The following VGLL3 variants were observed in gnomAD, a reference collection of about 807,000 sequenced individuals.
The protein encoded by VGLL3 is transcription cofactor vestigial-like protein 3.
In VGLL3, 18 loss-of-function variants were observed where a neutral mutation model predicts 29.2. The observed-to-expected ratio is 0.62, with a 90% CI of 0.43 to 0.91. The LOEUF (loss-of-function observed/expected upper bound fraction) is 0.91, where lower values mean the gene tolerates loss of function less well. VGLL3 is among the 40% of genes least tolerant of loss of function. VGLL3 has a pLI of 0.00. For synonymous variants in VGLL3, 180 were observed against 151.8 expected (o/e 1.19, Z -1.36); for missense variants, 440 against 413.2 (o/e 1.06, Z -0.56).
rs932794460 is a variant in VGLL3 at position 86,941,333 on chromosome 3, T to C, written c.*5691A>G. 6.6e-6 allele frequency: 1 copy of C among 152,430 alleles called. No individual in the cohort carries two copies. The highest frequency in any genetic ancestry group is 1.5e-5 in the Non-Finnish European group (1 of 67,930). The allele number at this position is 152,430 out of a possible 1,614,324, so 9.4% of individuals were successfully genotyped here. On this transcript the variant is annotated 3_prime_UTR_variant, in exon 4 of 4. Coordinates refer to ENST00000398399, the MANE Select transcript of VGLL3 (RefSeq NM_016206.4). ...AGAAAGAAATGTACATCTCTATTAA[T>C]ATAAAGTGATATCAATAGGAAAGTT... is the stretch of plus-strand genomic sequence containing the variant.
chr3:86,972,230 G>A (rs1705116670), intron 2 of VGLL3, among the ~76,000 whole-genome samples: 1 of 152,122 alleles, frequency 6.6e-6, no homozygotes, highest in Admixed American at 6.5e-5. Flanking sequence ...ATTACTGAAA[G>A]TAGAAATCTA....
chr3:86,949,620 A>G (rs1181208237), intron 3 of VGLL3, among the ~76,000 whole-genome samples: 2 of 151,838 alleles, frequency 1.3e-5, no homozygotes, highest in Admixed American at 6.6e-5. Flanking sequence ...AGGTCAGGAG[A>G]TCGAGACCAT....
intron 1 of VGLL3, among the ~76,000 whole-genome samples, chr3:86,979,901 G>A (rs1220426398): frequency 1.3e-5 from 2 of 151,970 alleles, no homozygotes; most frequent in South Asian, 4.1e-4. Context: ...AATGTATTTT[G>A]TATTGTTTTT....
At position 86,938,269 on chromosome 3, in the gene VGLL3, T is replaced by A. The variant is rs1053263227; in HGVS notation, c.*8755A>T. 6.6e-6 allele frequency: 1 copy of A among 152,232 alleles called. No homozygotes were observed. Among genetic ancestry groups the A allele is most frequent in the Admixed American group, 6.5e-5 (1 of 15,282 alleles). 9.4% of individuals were successfully genotyped at this position (152,232 alleles called of 1,614,324 possible). ...ATTAATACAACCATAACTAGAAGTA[T>A]TTTTTGTAAGAAAAATGATAACACT... On this transcript the variant is annotated 3_prime_UTR_variant, in exon 4 of 4. Coordinates refer to ENST00000398399, the MANE Select transcript of VGLL3 (RefSeq NM_016206.4).
At chr3:86,974,823 A>G (rs1327987533) in intron 2 of VGLL3, among the ~76,000 whole-genome samples, 3 of 152,120 alleles carry the variant, frequency 2.0e-5, no homozygotes, top group Non-Finnish European at 4.4e-5. Flanking sequence ...CACTAACATT[A>G]TCATTAGCCT....
rs1704498184 is a variant in VGLL3 at position 86,945,961 on chromosome 3, G to A, written c.*1063C>T. 6.6e-6 allele frequency: 1 copy of A among 152,198 alleles called. No individual in the cohort carries two copies. The highest frequency in any genetic ancestry group is 6.5e-5 in the Admixed American group (1 of 15,288). The allele number at this position is 152,198 out of a possible 1,614,324, so 9.4% of individuals were successfully genotyped here. On this transcript the variant is annotated 3_prime_UTR_variant, in exon 4 of 4. Transcript: ENST00000398399. ...TTTCTCTAGTACCTTCCCAGATATT[G>A]TTCCTTCAAATGCCCTTCAGGAAAA...
rs1704350946 is a variant in VGLL3, at chr3:86,939,626, C to T, written c.*7398G>A. On this transcript the variant is annotated 3_prime_UTR_variant, in exon 4 of 4. Transcript: ENST00000398399. The stretch of plus-strand genomic sequence containing the variant: ...ACGACAGAGCAAGACTCCATCAAAA[C>T]AAAACAAAACAAAACAAAACAAAAA... The T allele has an allele frequency of 6.6e-6, 1 of 152,606 alleles. No individual in the cohort carries two copies. The highest frequency in any genetic ancestry group is 1.9e-4 in the East Asian group (1 of 5,214). The allele number at this position is 152,606 out of a possible 1,614,324, so 9.5% of individuals were successfully genotyped here.
intron 3 of VGLL3, chr3:86,962,503 A>G (rs1158760967): frequency 1.4e-5 from 14 of 985,398 alleles, no homozygotes; most frequent in Admixed American, 6.1e-5. Flanking sequence ...CTCAAACTCT[A>G]CTATAATATG....
Position 86,968,825 on chromosome 3 carries a change from G to C in VGLL3, c.702C>G (p.Ala234=). 1 of 1,614,106 alleles carries C rather than the reference G, an allele frequency of 6.2e-7. No individual in the cohort carries two copies. The highest frequency in any genetic ancestry group is 1.3e-5 in the African/African-American group (1 of 75,014). The change falls in exon 3 of 4, where the codon GCC becomes GCG. Residue 234 remains alanine (A), a synonymous_variant. Coordinates refer to ENST00000398399, the MANE Select transcript of VGLL3 (RefSeq NM_016206.4). ...DVYMRHHHPH[A]HMHHRHRHHH... ...GGTGGCGGTGGCGGTGGTGCATGTG[G>C]GCATGAGGGTGGTGGTGCCGCATGT...
chr3:86,945,369 T>C lies in VGLL3; in HGVS notation c.*1655A>G, dbSNP rs1704486044. On this transcript the variant is annotated 3_prime_UTR_variant, in exon 4 of 4. Transcript: ENST00000398399. ...AAGTTCGCATATATGATACGAACAA[T>C]TAAAGATAGAAAGTGGCATTTCACT... 1 of 152,130 alleles carries C rather than the reference T, an allele frequency of 6.6e-6. No individual in the cohort carries two copies. 9.4% of individuals were successfully genotyped at this position (152,130 alleles called of 1,614,324 possible). A position where few individuals can be genotyped will look rare whatever the true frequency, so the allele number is the denominator to read the frequency against.
Position 86,990,947 on chromosome 3 carries a change from G to T in VGLL3, c.-204C>A. 1 of 1,075,924 alleles carries T rather than the reference G, an allele frequency of 9.3e-7. No individual in the cohort carries two copies. Among genetic ancestry groups the T allele is most frequent in the Non-Finnish European group, 1.1e-6 (1 of 888,042 alleles). The allele number at this position is 1,075,924 out of a possible 1,614,324, so 66.6% of individuals were successfully genotyped here. A position where few individuals can be genotyped will look rare whatever the true frequency, so the allele number is the denominator to read the frequency against. On this transcript the variant is annotated 5_prime_UTR_variant, in exon 1 of 4. Transcript: ENST00000398399. ...TGGCAATCAGCGGGGGCCCATGCGC[G>T]GGCACCTTCATCTTCAGCCCCTCCG...
rs1363803951 is a variant in VGLL3 at position 86,939,314 on chromosome 3, A to C, written c.*7710T>G. ...TGAATATGTTACTGTACATGGAAAAAGGGCCTTTAAAGATGTAATTAAGAA... is the reference window on the plus strand; with the variant it reads ...TGAATATGTTACTGTACATGGAAAACGGGCCTTTAAAGATGTAATTAAGAA... On this transcript the variant is annotated 3_prime_UTR_variant, in exon 4 of 4. Coordinates refer to ENST00000398399, the MANE Select transcript of VGLL3 (RefSeq NM_016206.4). 6.6e-6 allele frequency: 1 copy of C among 152,198 alleles called. No homozygotes were observed. The highest frequency in any genetic ancestry group is 1.5e-5 in the Non-Finnish European group (1 of 68,048). 9.4% of individuals were successfully genotyped at this position (152,198 alleles called of 1,614,324 possible). A position where few individuals can be genotyped will look rare whatever the true frequency, so the allele number is the denominator to read the frequency against.
rs535495394 is a variant in VGLL3 at position 86,945,330 on chromosome 3, T to C, written c.*1694A>G. On this transcript the variant is annotated 3_prime_UTR_variant, in exon 4 of 4. Coordinates refer to ENST00000398399, the MANE Select transcript of VGLL3 (RefSeq NM_016206.4). ...GAACTCTGCCTAGCTGAACATGTCA[T>C]GTTCATGTCTAAAAAGTTCGCATAT... The C allele has an allele frequency of 2.0e-5, 3 of 152,316 alleles. No homozygotes were observed. Among genetic ancestry groups the C allele is most frequent in the South Asian group, 2.1e-4 (1 of 4,830 alleles). 9.4% of individuals were successfully genotyped at this position (152,316 alleles called of 1,614,324 possible).
intron 1 of VGLL3, among the ~76,000 whole-genome samples, chr3:86,987,635 C>G (rs1705477971): frequency 6.6e-6 from 1 of 152,174 alleles, no homozygotes; most frequent in East Asian, 1.9e-4. Context: ...GGTCACCCAG[C>G]ATCCCTCAGT....
intron 3 of VGLL3, 120 bp downstream of exon 3, chr3:86,968,470 C>T (rs1705010106): frequency 1.7e-6 from 2 of 1,178,906 alleles, no homozygotes; most frequent in Non-Finnish European, 2.3e-6. Flanking sequence ...GGCTAGGTTC[C>T]ATAAACATGT....
At chr3:86,973,900 C>A (rs1313227393) in intron 2 of VGLL3, among the ~76,000 whole-genome samples, 1 of 152,170 alleles carries the variant, frequency 6.6e-6, no homozygotes, top group Non-Finnish European at 1.5e-5. Context: ...GTGATTTACT[C>A]TGCTATGGCT....
chr3:86,985,673 G>A (rs902881339), intron 1 of VGLL3, among the ~76,000 whole-genome samples: 17 of 152,182 alleles, frequency 1.1e-4, no homozygotes, highest in African/African-American at 3.6e-4. Context: ...TTAAAGAGAT[G>A]TGTTTTGAAA....
At chr3:86,986,240 G>C (rs1705438751) in intron 1 of VGLL3, among the ~76,000 whole-genome samples, 1 of 152,026 alleles carries the variant, frequency 6.6e-6, no homozygotes, top group African/African-American at 2.4e-5. Context: ...GAACTTCCTT[G>C]CATTTAGCCA....
chr3:86,988,713 GA>G (rs1267589586), intron 1 of VGLL3, among the ~76,000 whole-genome samples: 1 of 86,734 alleles, frequency 1.2e-5, no homozygotes, highest in Non-Finnish European at 2.4e-5. Flanking sequence ...AGAAAAAGAA[GA>G]AAAAGCAACA....
Sources: allele counts gnomAD v4.1 joint callset (sites outside exome capture counted in the v4.1 genomes callset), GRCh38; gene constraint gnomAD v4.1.1; transcripts MANE v1.5; gene names NCBI Gene and HGNC (gene_info 2026-07-23, HGNC 2026-07-21).